Variants in SCARA5 observed in about 807,000 individuals in gnomAD.
SCARA5 encodes scavenger receptor class A, member 5 (putative).
Under a neutral mutation model 46.3 loss-of-function variants are expected in SCARA5, and 45 were observed. The ratio of observed to expected loss-of-function variants is 0.97; its 90% CI spans 0.76 to 1.24. The LOEUF (loss-of-function observed/expected upper bound fraction) is 1.24, where lower values mean the gene tolerates loss of function less well. Among genes scored for constraint, SCARA5 ranks in the 50% most tolerant of loss-of-function variants. The probability of loss-of-function intolerance (pLI) is 0.00; values close to 1 mark genes in which losing one functional copy is unlikely to be tolerated. For missense variants in SCARA5, 680 were observed against 689.0 expected (o/e 0.99, Z 0.15); for synonymous variants, 333 against 306.5 (o/e 1.09, Z -0.90).
chr8:27,940,629 T>C (rs1807927198), intron 3 of SCARA5, among the ~76,000 whole-genome samples: 1 of 147,050 alleles, frequency 6.8e-6, no homozygotes, highest in South Asian at 2.3e-4. Context: ...CATTCATCCA[T>C]CCACCCACCC....
At chr8:27,970,394 C>A (rs1031618142) in intron 2 of SCARA5, among the ~76,000 whole-genome samples, 5 of 152,226 alleles carry the variant, frequency 3.3e-5, no homozygotes, top group African/African-American at 1.2e-4. Flanking sequence ...TCATAAGACA[C>A]ACCCACCCAC....
At chr8:27,939,191 T>C (rs1807904112) in intron 3 of SCARA5, among the ~76,000 whole-genome samples, 2 of 152,184 alleles carry the variant, frequency 1.3e-5, no homozygotes, top group Admixed American at 6.5e-5. Flanking sequence ...AACTTGAACA[T>C]TAAATGTATA....
At chr8:27,922,755 C>T (rs1041209004) in intron 3 of SCARA5, among the ~76,000 whole-genome samples, 10 of 151,034 alleles carry the variant, frequency 6.6e-5, no homozygotes, top group African/African-American at 2.2e-4. Flanking sequence ...CCCCAAAATT[C>T]GAATGTGGAA....
At chr8:27,987,721 T>A in intron 1 of SCARA5, 91 bp from the exon 2 acceptor site, 1 of 750,866 alleles carries the variant, frequency 1.3e-6, no homozygotes, top group Non-Finnish European at 2.3e-6. Context: ...AGCAAATGGA[T>A]AGAACAAGGT....
chr8:27,971,691 G>A (rs1255152049), intron 2 of SCARA5, among the ~76,000 whole-genome samples: 1 of 152,144 alleles, frequency 6.6e-6, no homozygotes. Context: ...AAGCCAAGAG[G>A]TCTAGAGAGG....
intron 7 of SCARA5, among the ~76,000 whole-genome samples, chr8:27,884,520 T>C (rs1054381607): frequency 6.6e-6 from 1 of 152,154 alleles, no homozygotes; most frequent in Admixed American, 6.5e-5. Context: ...GAAGCCACAG[T>C]GTGGGGTCAG....
chr8:27,959,380 G>A (rs1808259263), intron 3 of SCARA5, among the ~76,000 whole-genome samples: 1 of 152,218 alleles, frequency 6.6e-6, no homozygotes, highest in Non-Finnish European at 1.5e-5. Context: ...AGCCTGTTGG[G>A]AGGATGGCTA....
chr8:27,966,563 G>C (rs770376806), intron 2 of SCARA5, 21 bp from the exon 3 acceptor site: 1 of 1,585,858 alleles, frequency 6.3e-7, no homozygotes, highest in South Asian at 1.2e-5. Flanking sequence ...AGGGTAAGAG[G>C]AGGAAGGAAA....
At chr8:27,885,093 T>G (rs1806873283) in intron 7 of SCARA5, among the ~76,000 whole-genome samples, 4 of 148,672 alleles carry the variant, frequency 2.7e-5, no homozygotes, top group African/African-American at 5.0e-5. Context: ...AGGAAGGAAA[T>G]GAGAGAGAGG....
At chr8:27,946,139 T>A (rs1472356213) in intron 3 of SCARA5, among the ~76,000 whole-genome samples, 1 of 152,142 alleles carries the variant, frequency 6.6e-6, no homozygotes, top group Admixed American at 6.5e-5. Context: ...CCTAGAGAAG[T>A]CGTGGATGAG....
intron 3 of SCARA5, among the ~76,000 whole-genome samples, chr8:27,953,589 C>T (rs1349519511): frequency 1.3e-5 from 2 of 152,212 alleles, no homozygotes; most frequent in African/African-American, 2.4e-5. Flanking sequence ...TCAGAAGTCC[C>T]CAGTGCCCTT....
intron 3 of SCARA5, among the ~76,000 whole-genome samples, chr8:27,949,487 C>T (rs1337818667): frequency 3.9e-5 from 6 of 152,166 alleles, no homozygotes; most frequent in Non-Finnish European, 8.8e-5. Context: ...TTACTGTAAC[C>T]GTAAGGGTGG....
At chr8:27,964,868 T>C (rs910424858) in intron 3 of SCARA5, among the ~76,000 whole-genome samples, 1 of 152,138 alleles carries the variant, frequency 6.6e-6, no homozygotes, top group African/African-American at 2.4e-5. Flanking sequence ...TCTGTATCTG[T>C]CACCTAAAAG....
At chr8:27,875,411 G>A (rs1022536085) in intron 8 of SCARA5, among the ~76,000 whole-genome samples, 8 of 152,122 alleles carry the variant, frequency 5.3e-5, no homozygotes, top group African/African-American at 1.2e-4. Context: ...AGAATGTGAC[G>A]GGATCATAGA....
At chr8:27,884,157 G>A (rs957641184) in intron 7 of SCARA5, among the ~76,000 whole-genome samples, 3 of 152,160 alleles carry the variant, frequency 2.0e-5, no homozygotes, top group African/African-American at 4.8e-5. Context: ...GCCTCCTCTC[G>A]ATATTGGATG....
chr8:27,987,464 G>T, intron 2 of SCARA5, 40 bp downstream of exon 2: 1 of 1,445,318 alleles, frequency 6.9e-7, no homozygotes, highest in Non-Finnish European at 9.7e-7. Flanking sequence ...CCACCCCCAG[G>T]CCAGATCTTG....
Position 27,980,754 on chromosome 8 carries a change from C to T in SCARA5, c.112+6750G>A, listed in dbSNP as rs187897789. Among the ~76,000 whole-genome samples, 306 of 152,332 alleles carry T rather than the reference C, an allele frequency of 2.0e-3. 1 individual carries two copies. The highest frequency in any genetic ancestry group is 1.1e-3 in the Non-Finnish European group (76 of 68,030). ...GATGATGAAGGGACAGACACACATA[C>T]GCCATAGAATCAGGAGCCCTCAGGG... On this transcript the variant is annotated intron_variant, in intron 2 of 8. Coordinates refer to ENST00000354914, the MANE Select transcript of SCARA5 (RefSeq NM_173833.6).
chr8:27,876,948 G>A (rs921980971), intron 8 of SCARA5, among the ~76,000 whole-genome samples: 12 of 152,076 alleles, frequency 7.9e-5, no homozygotes, highest in East Asian at 7.7e-4. Context: ...TCTGCCTGCC[G>A]CCAGGAATGA....
At chr8:27,882,457 C>G (rs1259146065) in intron 7 of SCARA5, among the ~76,000 whole-genome samples, 2 of 152,132 alleles carry the variant, frequency 1.3e-5, no homozygotes, top group Non-Finnish European at 2.9e-5. Flanking sequence ...ACCCGGTGAC[C>G]AGCAGCCTTG....
Sources: allele counts gnomAD v4.1 joint callset (sites outside exome capture counted in the v4.1 genomes callset), GRCh38; gene constraint gnomAD v4.1.1; transcripts MANE v1.5; gene names NCBI Gene and HGNC (gene_info 2026-07-23, HGNC 2026-07-21).